Variants in STPG2 observed in about 807,000 individuals in gnomAD.
The protein encoded by STPG2 is sperm-tail PG-rich repeat-containing protein 2.
STPG2 carries 56 observed loss-of-function variants against 54.2 expected under a neutral mutation model. The observed-to-expected ratio is 1.03, with a 90% CI of 0.83 to 1.29. The LOEUF (loss-of-function observed/expected upper bound fraction) is 1.29. Among genes scored for constraint, STPG2 ranks in the 50% most tolerant of loss-of-function variants. STPG2 has a pLI of 0.00. For synonymous variants in STPG2, 200 were observed against 181.8 expected, an observed-to-expected ratio of 1.10 and a Z score of -0.81; for missense variants, 596 against 544.9, an observed-to-expected ratio of 1.09 and a Z score of -0.93.
intron 8 of STPG2, among the ~76,000 whole-genome samples, chr4:97,855,472 T>A (rs1729303448): frequency 6.6e-6 from 1 of 152,172 alleles, no homozygotes; most frequent in Non-Finnish European, 1.5e-5. Flanking sequence ...TATGTCTTAT[T>A]TTGAGAAGTG....
intron 8 of STPG2, among the ~76,000 whole-genome samples, chr4:97,896,764 TG>T (rs992719561): frequency 7.9e-5 from 12 of 151,832 alleles, no homozygotes; most frequent in Admixed American, 7.9e-4. Context: ...AAAATGTTTA[TG>T]ATATAGTCTT....
At chr4:98,046,213 T>C (rs1343766141) in intron 5 of STPG2, among the ~76,000 whole-genome samples, 1 of 152,190 alleles carries the variant, frequency 6.6e-6, no homozygotes, top group Non-Finnish European at 1.5e-5. Context: ...GTCTGACTTT[T>C]TTCTATCTCT....
At chr4:97,492,104 C>T (rs895525846) in intron 4 of STPG2, among the ~76,000 whole-genome samples, 4 of 151,300 alleles carry the variant, frequency 2.6e-5, no homozygotes, top group African/African-American at 4.8e-5. Flanking sequence ...ATGGTCATCT[C>T]GTAAGAATGG....
chr4:97,510,563 C>A (rs1223317185), intron 4 of STPG2, among the ~76,000 whole-genome samples: 1 of 152,030 alleles, frequency 6.6e-6, no homozygotes, highest in East Asian at 1.9e-4. Context: ...AGCCCCCTAT[C>A]TTTTTGGCAC....
intron 5 of STPG2, among the ~76,000 whole-genome samples, chr4:98,014,394 TC>T (rs1220131737): frequency 9.2e-5 from 14 of 152,182 alleles, no homozygotes; most frequent in Admixed American, 9.2e-4. Flanking sequence ...ACACTGCTCT[TC>T]CTTCCTCTTC....
At chr4:97,601,295 C>T (rs994848019) in intron 10 of STPG2, among the ~76,000 whole-genome samples, 2 of 151,878 alleles carry the variant, frequency 1.3e-5, no homozygotes, top group Non-Finnish European at 2.9e-5. Context: ...ATTTTATTTG[C>T]TCATTCTAAA....
intron 4 of STPG2, among the ~76,000 whole-genome samples, chr4:97,540,435 A>C (rs1338489820): frequency 1.3e-5 from 2 of 152,186 alleles, no homozygotes; most frequent in African/African-American, 4.8e-5. Flanking sequence ...GAAGAAGTTG[A>C]ATCTCTGAAT....
chr4:98,105,901 T>A, intron 5 of STPG2, 52 bp downstream of exon 5: 1 of 1,447,874 alleles, frequency 6.9e-7, no homozygotes, highest in East Asian at 2.5e-5. Flanking sequence ...ATAACAGGAT[T>A]CAATGATCTT....
chr4:97,704,050 T>A (rs1398796225), intron 10 of STPG2, among the ~76,000 whole-genome samples: 3 of 152,058 alleles, frequency 2.0e-5, no homozygotes, highest in African/African-American at 7.2e-5. Flanking sequence ...ATATTCTAGC[T>A]GTGCTGGCAG....
chr4:97,913,688 C>T (rs1271841337), intron 8 of STPG2, among the ~76,000 whole-genome samples: 1 of 152,094 alleles, frequency 6.6e-6, no homozygotes, highest in Non-Finnish European at 1.5e-5. Flanking sequence ...AATCCTCATT[C>T]CTTATAGGGG....
chr4:97,758,634 G>C (rs1725800521), intron 9 of STPG2, among the ~76,000 whole-genome samples: 1 of 152,058 alleles, frequency 6.6e-6, no homozygotes, highest in Admixed American at 6.6e-5. Flanking sequence ...GGGGTGCGGG[G>C]AGAGGGGACG....
intron 7 of STPG2, among the ~76,000 whole-genome samples, chr4:97,968,064 T>C (rs1463973411): frequency 6.6e-6 from 1 of 151,988 alleles, no homozygotes; most frequent in African/African-American, 2.4e-5. Flanking sequence ...AATCAATGAA[T>C]CCAGGAGCTG....
intron 8 of STPG2, among the ~76,000 whole-genome samples, chr4:97,841,944 C>T (rs986834372): frequency 5.3e-5 from 8 of 151,726 alleles, no homozygotes; most frequent in African/African-American, 1.9e-4. Context: ...AAGCTAATTT[C>T]AATGCAAAAA....
intron 5 of STPG2, among the ~76,000 whole-genome samples, chr4:98,022,294 T>G (rs955915466): frequency 2.0e-5 from 3 of 151,188 alleles, no homozygotes; most frequent in African/African-American, 7.3e-5. Context: ...TTTGGCTGGA[T>G]ATGAAATTCT....
intron 8 of STPG2, among the ~76,000 whole-genome samples, chr4:97,912,171 A>T (rs923836941): frequency 2.6e-5 from 4 of 152,136 alleles, no homozygotes; most frequent in Non-Finnish European, 5.9e-5. Context: ...AAGATCAGCA[A>T]CCTCAAAGAT....
intron 8 of STPG2, among the ~76,000 whole-genome samples, chr4:97,916,030 C>G (rs571998444): frequency 5.9e-5 from 9 of 152,196 alleles, no homozygotes; most frequent in African/African-American, 1.7e-4. Context: ...GTGTGAATGA[C>G]AGAACTCGGC....
At chr4:97,691,897 C>T (rs1396068683) in intron 10 of STPG2, among the ~76,000 whole-genome samples, 1 of 151,992 alleles carries the variant, frequency 6.6e-6, no homozygotes, top group African/African-American at 2.4e-5. Flanking sequence ...CATTACCAGC[C>T]CAGAGCCTGG....
At chr4:97,572,317 GT>G (rs1732621313) in intron 10 of STPG2, among the ~76,000 whole-genome samples, 1 of 152,052 alleles carries the variant, frequency 6.6e-6, no homozygotes, top group African/African-American at 2.4e-5. Flanking sequence ...TATTTTCTCT[GT>G]TAGTAACCAC....
intron 9 of STPG2, among the ~76,000 whole-genome samples, chr4:97,784,759 T>C (rs2600609): frequency 6.6e-6 from 1 of 152,012 alleles, no homozygotes; most frequent in South Asian, 2.1e-4. Flanking sequence ...TTATATAAGT[T>C]TGGTCTTATA....
Sources: gnomAD v4.1 joint callset for allele counts (sites outside exome capture counted in the v4.1 genomes callset) on GRCh38, gnomAD v4.1.1 for gene constraint, MANE v1.5 for transcripts, NCBI Gene and HGNC (gene_info 2026-07-23, HGNC 2026-07-21) for gene names.